The following PDE1A variants were observed in gnomAD, a reference collection of about 807,000 sequenced individuals.
PDE1A encodes the protein phosphodiesterase 1A, also known as dual specificity calcium/calmodulin-dependent 3',5'-cyclic nucleotide phosphodiesterase 1A.
A neutral mutation model predicts 61.7 loss-of-function variants in PDE1A; 35 were observed. The observed-to-expected ratio is 0.57, with a 90% CI of 0.43 to 0.75. PDE1A has a LOEUF of 0.75. Among genes scored for constraint, PDE1A ranks in the 30% least tolerant of loss-of-function variants. The probability of loss-of-function intolerance (pLI) is 0.00; values close to 1 mark genes in which losing one functional copy is unlikely to be tolerated. For missense variants in PDE1A, 597 were observed against 630.6 expected, an observed-to-expected ratio of 0.95 and a Z score of 0.57; for synonymous variants, 232 against 213.2, an observed-to-expected ratio of 1.09 and a Z score of -0.77.
At chr2:182,595,657 G>A in the PDE1A span, among the ~76,000 whole-genome samples, 2 of 152,222 alleles carry the variant, frequency 1.3e-5, no homozygotes, top group Non-Finnish European at 2.9e-5. Context: ...TGAAGTCTGT[G>A]TTTGAAATTC....
rs757261712 is a variant in PDE1A at position 182,185,870 on chromosome 2, A to T, written c.1516+22T>A. ...AGTGAAGACAGAGAGAGATGGCAGT[A>T]AGGCCTCATAAACAACACTACCTTG... On this transcript the variant is annotated intron_variant, in intron 13 of 13. Transcript: ENST00000351439. 1.2e-5 allele frequency: 19 copies of T among 1,612,912 alleles called. No individual in the cohort carries two copies. The Admixed American group carries it at 2.2e-4, about 18-fold the overall frequency.
At chr2:182,545,909 G>A in the PDE1A span, among the ~76,000 whole-genome samples, 1 of 152,158 alleles carries the variant, frequency 6.6e-6, no homozygotes, top group Non-Finnish European at 1.5e-5. Context: ...AGTGACAGAG[G>A]CCAAACCTGT....
intron 1 of PDE1A, among the ~76,000 whole-genome samples, chr2:182,353,888 A>T (rs1269604203): frequency 6.6e-6 from 1 of 152,104 alleles, no homozygotes; most frequent in East Asian, 1.9e-4. Context: ...TGATTCCAAG[A>T]AGTAGTATAT....
At chr2:182,432,794 CAAACCTGCAG>C (rs920060813) in intron 2 of PDE1A, among the ~76,000 whole-genome samples, 1 of 152,006 alleles carries the variant, frequency 6.6e-6, no homozygotes, top group African/African-American at 2.4e-5. Flanking sequence ...GTCTCAGCCC[CAAACCTGCAG>C]GTCCCTGATC....
intron 2 of PDE1A, among the ~76,000 whole-genome samples, chr2:182,254,809 A>G (rs1202012726): frequency 6.6e-6 from 1 of 152,172 alleles, no homozygotes. Context: ...TTCACTGCAG[A>G]GACAACACAG....
intron 1 of PDE1A, among the ~76,000 whole-genome samples, chr2:182,292,916 G>T (rs774100005): frequency 8.0e-5 from 12 of 150,824 alleles, no homozygotes; most frequent in Non-Finnish European, 1.2e-4. Context: ...AAAAAATATT[G>T]TCAGTGTATC....
chr2:182,254,590 A>G (rs1051742808), intron 2 of PDE1A, among the ~76,000 whole-genome samples: 1 of 152,212 alleles, frequency 6.6e-6, no homozygotes, highest in African/African-American at 2.4e-5. Flanking sequence ...GGACTTTGGA[A>G]CCATGGATAA....
At chr2:182,487,597 T>C (rs1688097998) in intron 2 of PDE1A, among the ~76,000 whole-genome samples, 2 of 152,184 alleles carry the variant, frequency 1.3e-5, no homozygotes, top group South Asian at 2.1e-4. Flanking sequence ...AGTTCTGATA[T>C]CCACTACAAA....
chr2:182,215,842 G>T (rs1025100348), intron 7 of PDE1A, among the ~76,000 whole-genome samples: 3 of 84,058 alleles, frequency 3.6e-5, no homozygotes. Context: ...GAGGTACAAG[G>T]AGGAACTGGT....
At chr2:182,674,670 T>G in the PDE1A span, among the ~76,000 whole-genome samples, 3 of 151,938 alleles carry the variant, frequency 2.0e-5, no homozygotes, top group Non-Finnish European at 4.4e-5. Flanking sequence ...CTGATCATAG[T>G]GAGGCAGAAG....
intron 7 of PDE1A, among the ~76,000 whole-genome samples, chr2:182,220,714 C>T (rs1011513795): frequency 6.6e-6 from 1 of 151,956 alleles, no homozygotes; most frequent in African/African-American, 2.4e-5. Flanking sequence ...CTAGCCTTGC[C>T]CTATGTTCCA....
chr2:182,527,330 ATATATATATATATATATATATATATAT>A (rs1690792330), upstream of PDE1A, among the ~76,000 whole-genome samples: 8 of 7,384 alleles, frequency 1.1e-3, no homozygotes, highest in Non-Finnish European at 1.6e-3. Flanking sequence ...AAAAAAAAAT[ATATATATATATATATATATATATATAT>A]ATATATATAT....
At chr2:182,249,705 G>A (rs1333226234) in intron 2 of PDE1A, among the ~76,000 whole-genome samples, 1 of 146,362 alleles carries the variant, frequency 6.8e-6, no homozygotes, top group East Asian at 2.0e-4. Flanking sequence ...TGAGCTGCTT[G>A]TACCCTTCTT....
At chr2:182,293,762 T>C (rs1694693417) in intron 1 of PDE1A, among the ~76,000 whole-genome samples, 1 of 152,214 alleles carries the variant, frequency 6.6e-6, no homozygotes, top group Admixed American at 6.5e-5. Context: ...ATGTGAGTGG[T>C]ATCTCTCCTT....
At chr2:182,602,988 CACACACATACAT>C in the PDE1A span, among the ~76,000 whole-genome samples, 32 of 126,018 alleles carry the variant, frequency 2.5e-4, no homozygotes, top group African/African-American at 1.1e-3. Flanking sequence ...ACATCACACA[CACACACATACAT>C]ACATACATAC....
intron 1 of PDE1A, among the ~76,000 whole-genome samples, chr2:182,393,837 A>G (rs1326648471): frequency 6.6e-6 from 1 of 152,146 alleles, no homozygotes; most frequent in Non-Finnish European, 1.5e-5. Context: ...ATTTCCCAAC[A>G]AGTTTCTCAT....
intron 1 of PDE1A, among the ~76,000 whole-genome samples, chr2:182,420,994 T>C (rs532734688): frequency 3.5e-4 from 53 of 152,254 alleles, no homozygotes; most frequent in Non-Finnish European, 6.0e-4. Context: ...CTGAGAAGAC[T>C]AGGTTCAAAA....
At chr2:182,497,057 GA>G (rs1040039123) in intron 2 of PDE1A, among the ~76,000 whole-genome samples, 2 of 151,862 alleles carry the variant, frequency 1.3e-5, no homozygotes, top group Non-Finnish European at 2.9e-5. Context: ...CAATTAAAGT[GA>G]AAAAAAATTT....
At chr2:182,540,545 T>TTAA in the PDE1A span, among the ~76,000 whole-genome samples, 662 of 152,240 alleles carry the variant, frequency 4.3e-3, 2 homozygotes, top group African/African-American at 0.015. Context: ...TTGGCCACAC[T>TTAA]GATGTAGAAT....
Sources: allele counts gnomAD v4.1 joint callset (sites outside exome capture counted in the v4.1 genomes callset), GRCh38; gene constraint gnomAD v4.1.1; transcripts MANE v1.5; gene names NCBI Gene and HGNC (gene_info 2026-07-23, HGNC 2026-07-21).